Variants in DTYMK observed in about 807,000 individuals in gnomAD.
DTYMK encodes thymidylate kinase.
In DTYMK, 20 loss-of-function variants were observed where a neutral mutation model predicts 20.3. The ratio of observed to expected loss-of-function variants is 0.99; its 90% CI spans 0.69 to 1.43. The LOEUF (loss-of-function observed/expected upper bound fraction) is 1.43, where lower values mean the gene tolerates loss of function less well. DTYMK is among the 40% of genes most tolerant of loss of function. The pLI is 0.00. For missense variants in DTYMK, 320 were observed against 291.1 expected (o/e 1.10, Z -0.72); for synonymous variants, 148 against 124.4 (o/e 1.19, Z -1.27).
chr2:241,676,398 C>T (rs191590495), intron 4 of DTYMK, among the ~76,000 whole-genome samples, 161 bp from the exon 5 acceptor site: 8 of 152,208 alleles, frequency 5.3e-5, no homozygotes, highest in African/African-American at 7.2e-5. Flanking sequence ...AGGGACACCC[C>T]GTCTCTACAA....
At chr2:241,678,224 C>G in intron 4 of DTYMK, among the ~76,000 whole-genome samples, 1 of 151,954 alleles carries the variant, frequency 6.6e-6, no homozygotes, top group East Asian at 1.9e-4. Context: ...GAGCTGAGAT[C>G]GTGCCATTGC....
chr2:241,682,477 T>G, intron 2 of DTYMK: 1 of 282,760 alleles, frequency 3.5e-6, no homozygotes, highest in South Asian at 2.8e-5. Context: ...AAATAAGAAA[T>G]CAACCAACCC....
Position 241,678,469 on chromosome 2 carries a change from T to C in DTYMK, c.511A>G (p.Thr171Ala), listed in dbSNP as rs775002741. The part of the protein sequence containing the change: ...LRCFHQLMKD[T>A]TLNWKMVDAS... The stretch of plus-strand genomic sequence containing the variant: ...ATTCTCACCTTCCAGTTCAAAGTCG[T>C]GTCTTTCATGAGCTGGTGGAAACAC... The change falls in exon 4 of 5, where the codon ACG (threonine) becomes GCG (alanine). Residue 171 changes from threonine to alanine, a missense_variant. Physicochemically the swap from Thr to Ala is moderately conservative, Grantham distance 58. Coordinates refer to ENST00000305784, the MANE Select transcript of DTYMK (RefSeq NM_012145.4). 1.9e-6 allele frequency: 3 copies of C among 1,614,094 alleles called. No individual in the cohort carries two copies. Among genetic ancestry groups the C allele is most frequent in the African/African-American group, 2.7e-5 (2 of 74,944 alleles).
chr2:241,685,998 A>G, intron 1 of DTYMK, 121 bp from the exon 2 acceptor site: 1 of 970,198 alleles, frequency 1.0e-6, no homozygotes, highest in East Asian at 2.6e-5. Context: ...ACTTTACTAA[A>G]TCTCTAGACA....
rs1018574035 is a variant in DTYMK at position 241,684,485 on chromosome 2, G to T, written c.239+1284C>A. On this transcript the variant is annotated intron_variant, in intron 2 of 4. Coordinates refer to ENST00000305784, the MANE Select transcript of DTYMK (RefSeq NM_012145.4). ...GAACCACTGAAGATTCACCAGCAGG[G>T]AACTGGCTACACGTACCGTGGTTCT... Among the ~76,000 whole-genome samples, 6 of 152,182 alleles carry T rather than the reference G, an allele frequency of 3.9e-5. No homozygotes were observed. In the South Asian group the frequency reaches 1.2e-3, roughly 32 times the overall value.
In DTYMK at chr2:241,686,756, C is replaced by A; in HGVS notation, c.28G>T (p.Val10Leu). MAARRGALIVLEGVDRAGKS... is the reference protein window; with the variant it reads MAARRGALILLEGVDRAGKS... The stretch of plus-strand genomic sequence containing the variant: ...CCGGCGCGGTCCACGCCCTCCAGCA[C>A]TATGAGAGCCCCGCGCCGGGCCGCC... Residue 10 changes from valine (V) to leucine (L), a missense_variant, in exon 1 of 5, where the codon GTG (valine) becomes TTG (leucine). Coordinates refer to ENST00000305784, the MANE Select transcript of DTYMK (RefSeq NM_012145.4). The A allele has an allele frequency of 6.7e-7, 1 of 1,494,312 alleles. No homozygotes were observed. The highest frequency in any genetic ancestry group is 8.8e-7 in the Non-Finnish European group (1 of 1,136,808). The allele number at this position is 1,494,312 out of a possible 1,614,324, so 92.6% of individuals were successfully genotyped here. A position where few individuals can be genotyped will look rare whatever the true frequency, so the allele number is the denominator to read the frequency against.
At chr2:241,682,358 G>A in intron 2 of DTYMK, 1 of 373,934 alleles carries the variant, frequency 2.7e-6, no homozygotes, top group Non-Finnish European at 5.3e-6. Context: ...GAGAGAAAGA[G>A]AGTGAGAAAA....
At chr2:241,677,578 C>T (rs4075656) in intron 4 of DTYMK, among the ~76,000 whole-genome samples, 23,936 of 152,230 alleles carry the variant, frequency 0.16, 2,358 homozygotes, top group Non-Finnish European at 0.22. Context: ...CCCTGGCTGC[C>T]GCCTGGAAAG....
chr2:241,684,038 CACA>C (rs1275738710), intron 2 of DTYMK, among the ~76,000 whole-genome samples: 2 of 152,100 alleles, frequency 1.3e-5, no homozygotes, highest in East Asian at 1.9e-4. Context: ...ACCTGAGCAA[CACA>C]ACGAGACTCT....
intron 2 of DTYMK, chr2:241,681,962 T>G (rs932959881): frequency 1.5e-5 from 4 of 275,166 alleles, no homozygotes; most frequent in Non-Finnish European, 2.9e-5. Context: ...GAGGATCACT[T>G]GAACCCAGGA....
chr2:241,683,601 A>G (rs2069313864), intron 2 of DTYMK, among the ~76,000 whole-genome samples: 1 of 152,202 alleles, frequency 6.6e-6, no homozygotes, highest in African/African-American at 2.4e-5. Flanking sequence ...GCTCCCTGGC[A>G]TTTACCCAAA....
chr2:241,676,074 T>C lies in DTYMK; in HGVS notation c.*53A>G. The C allele has an allele frequency of 6.5e-7, 1 of 1,532,422 alleles. No homozygotes were observed. Among genetic ancestry groups the C allele is most frequent in the Non-Finnish European group, 8.9e-7 (1 of 1,129,824 alleles). 94.9% of individuals were successfully genotyped at this position (1,532,422 alleles called of 1,614,324 possible). A position where few individuals can be genotyped will look rare whatever the true frequency, so the allele number is the denominator to read the frequency against. On this transcript the variant is annotated 3_prime_UTR_variant, in exon 5 of 5. Transcript: ENST00000305784. ...CTGGGGACGGGGCCTTCCGCGAGTC[T>C]CCCACCTCTCGGGGGACTGCAGGGA...
intron 3 of DTYMK, 92 bp from the exon 4 acceptor site, chr2:241,678,741 G>T (rs2069175346): frequency 2.8e-6 from 4 of 1,420,956 alleles, no homozygotes; most frequent in Non-Finnish European, 3.9e-6. Flanking sequence ...GGGGACATTT[G>T]GTGAGGTACC....
chr2:241,678,784 T>G (rs2069176604), intron 3 of DTYMK, 135 bp from the exon 4 acceptor site: 2 of 1,014,514 alleles, frequency 2.0e-6, no homozygotes, highest in Non-Finnish European at 2.9e-6. Context: ...GTGGCTCGTT[T>G]AATTTTTAGA....
chr2:241,686,176 C>T (rs909326859), intron 1 of DTYMK, among the ~76,000 whole-genome samples: 1 of 152,188 alleles, frequency 6.6e-6, no homozygotes, highest in African/African-American at 2.4e-5. Flanking sequence ...AGATTAAGGT[C>T]AATGCTTCAC....
intron 2 of DTYMK, among the ~76,000 whole-genome samples, chr2:241,683,873 C>T (rs2069319137): frequency 6.6e-6 from 1 of 152,138 alleles, no homozygotes; most frequent in Non-Finnish European, 1.5e-5. Flanking sequence ...CCCTGGCCAA[C>T]ATGGTGAAAC....
At chr2:241,686,633 C>T (rs775312315) in intron 1 of DTYMK, 21 bp downstream of exon 1, 18 of 1,486,654 alleles carry the variant, frequency 1.2e-5, no homozygotes, top group Admixed American at 2.4e-5. Context: ...CCGCGGCGCA[C>T]CCCCCGCCGC....
chr2:241,686,471 C>A (rs987738144), intron 1 of DTYMK, among the ~76,000 whole-genome samples, 183 bp downstream of exon 1: 4 of 152,210 alleles, frequency 2.6e-5, no homozygotes, highest in Admixed American at 1.3e-4. Context: ...GAGGTCCAGG[C>A]TGCCGTGGGC....
In DTYMK at chr2:241,680,371, T is replaced by C. The variant is rs562249772; in HGVS notation, c.240-52A>G. 1.3e-4 allele frequency: 205 copies of C among 1,598,642 alleles called. 4 individuals carry two copies. Among genetic ancestry groups the C allele is most frequent in the Middle Eastern group, 3.3e-4 (2 of 6,026 alleles). On this transcript the variant is annotated intron_variant, in intron 2 of 4. Coordinates refer to ENST00000305784, the MANE Select transcript of DTYMK (RefSeq NM_012145.4). Reference sequence around the variant, plus strand: ...TGGTCCTGTTTCATAGGCCTTGAACTGTCAAGCTTAAATTATCCCAACAGG... The same window carrying C: ...TGGTCCTGTTTCATAGGCCTTGAACCGTCAAGCTTAAATTATCCCAACAGG...
Sources: allele counts gnomAD v4.1 joint callset (sites outside exome capture counted in the v4.1 genomes callset), GRCh38; gene constraint gnomAD v4.1.1; transcripts MANE v1.5; gene names NCBI Gene and HGNC (gene_info 2026-07-23, HGNC 2026-07-21).